Variants in ADORA2B observed in about 807,000 individuals in gnomAD.
ADORA2B encodes the protein adenosine A2b receptor.
ADORA2B carries 18 observed loss-of-function variants against 20.8 expected under a neutral mutation model. The observed-to-expected ratio is 0.87, with a 90% confidence interval of 0.60 to 1.29. ADORA2B has a LOEUF of 1.29. Ranked by LOEUF, ADORA2B falls within the 50% of genes most tolerant of loss-of-function variation. ADORA2B has a pLI of 0.00. For missense variants in ADORA2B, 441 were observed against 422.7 expected (o/e 1.04, Z -0.38); for synonymous variants, 179 against 178.3 (o/e 1.00, Z -0.03).
intron 1 of ADORA2B, among the ~76,000 whole-genome samples, chr17:15,951,798 T>C (rs542103097): frequency 4.3e-4 from 65 of 152,006 alleles, no homozygotes; most frequent in Admixed American, 9.2e-4. Context: ...GAGATGGAGG[T>C]GGACTTGGTG....
At chr17:15,951,975 G>A (rs1036380183) in intron 1 of ADORA2B, among the ~76,000 whole-genome samples, 3 of 152,232 alleles carry the variant, frequency 2.0e-5, no homozygotes, top group Non-Finnish European at 4.4e-5. Flanking sequence ...CATGCCTGGA[G>A]GTGGCCTGGT....
the ADORA2B span, among the ~76,000 whole-genome samples, chr17:15,870,047 T>G: frequency 6.6e-6 from 1 of 150,926 alleles, no homozygotes; most frequent in Non-Finnish European, 1.5e-5. Flanking sequence ...CACATGTTTT[T>G]GTAAATAAGT....
chr17:15,905,900 C>T, the ADORA2B span, among the ~76,000 whole-genome samples: 1 of 152,174 alleles, frequency 6.6e-6, no homozygotes, highest in Non-Finnish European at 1.5e-5. Flanking sequence ...GTGATCTGCC[C>T]ACCTCAGCCT....
At chr17:15,866,822 C>T in the ADORA2B span, among the ~76,000 whole-genome samples, 1 of 152,134 alleles carries the variant, frequency 6.6e-6, no homozygotes. Flanking sequence ...CCACAGTCTC[C>T]CTCTGATGCC....
At chr17:15,861,155 T>TA in the ADORA2B span, among the ~76,000 whole-genome samples, 1 of 152,284 alleles carries the variant, frequency 6.6e-6, no homozygotes, top group East Asian at 1.9e-4. Flanking sequence ...TCAGTGAGTT[T>TA]AAAAGGAGGA....
chr17:15,945,007 C>A (rs1969779887), upstream of ADORA2B: 1 of 294,532 alleles, frequency 3.4e-6, no homozygotes, highest in Non-Finnish European at 6.2e-6. Flanking sequence ...TGGGCTCGGG[C>A]GAGTGGGTGG....
the ADORA2B span, among the ~76,000 whole-genome samples, chr17:15,898,790 C>G: frequency 6.6e-6 from 1 of 152,168 alleles, no homozygotes; most frequent in Non-Finnish European, 1.5e-5. Flanking sequence ...GATGGATGGT[C>G]TGTGAGGAGC....
chr17:15,954,023 A>G (rs111310489), intron 1 of ADORA2B, among the ~76,000 whole-genome samples: 9,261 of 151,840 alleles, frequency 0.061, 955 homozygotes, highest in African/African-American at 0.21. Context: ...CTGTCGCCCA[A>G]GCTGGAGTGC....
chr17:15,915,434 T>C, the ADORA2B span, among the ~76,000 whole-genome samples: 1 of 152,194 alleles, frequency 6.6e-6, no homozygotes, highest in South Asian at 2.1e-4. Context: ...GACTCAGGAG[T>C]GGACATCTCT....
At chr17:15,922,893 G>A in the ADORA2B span, among the ~76,000 whole-genome samples, 1 of 152,180 alleles carries the variant, frequency 6.6e-6, no homozygotes, top group Admixed American at 6.5e-5. Flanking sequence ...GAGAAGTGGT[G>A]TCTGAATTTA....
chr17:15,876,437 CTTTTCTT>C, the ADORA2B span, among the ~76,000 whole-genome samples: 6 of 132,216 alleles, frequency 4.5e-5, no homozygotes, highest in Admixed American at 7.8e-5. Flanking sequence ...TTCTTTCTTT[CTTTTCTT>C]TTTTCTTTTT....
At chr17:15,925,995 G>A in the ADORA2B span, among the ~76,000 whole-genome samples, 5 of 152,114 alleles carry the variant, frequency 3.3e-5, no homozygotes, top group African/African-American at 1.2e-4. Context: ...TTAGGGTTAA[G>A]GCGAATGGGA....
At chr17:15,906,720 A>G in the ADORA2B span, among the ~76,000 whole-genome samples, 1 of 152,180 alleles carries the variant, frequency 6.6e-6, no homozygotes, top group Non-Finnish European at 1.5e-5. Context: ...GTGCAGTCAT[A>G]TAGGTCTGGT....
chr17:15,943,714 C>T (rs1308582660), upstream of ADORA2B, among the ~76,000 whole-genome samples: 2 of 152,184 alleles, frequency 1.3e-5, no homozygotes, highest in African/African-American at 4.8e-5. Context: ...GAGGTATATC[C>T]ACAGAACCGT....
upstream of ADORA2B, among the ~76,000 whole-genome samples, chr17:15,943,868 T>C (rs1258761165): frequency 2.6e-5 from 4 of 152,210 alleles, no homozygotes; most frequent in African/African-American, 9.6e-5. Context: ...AAAATCTCCT[T>C]ACCCATCCTC....
chr17:15,953,839 T>G (rs1969935469), intron 1 of ADORA2B, among the ~76,000 whole-genome samples: 2 of 152,202 alleles, frequency 1.3e-5, no homozygotes, highest in Admixed American at 1.3e-4. Context: ...GCTGTAGAGT[T>G]GTCCCCTGTC....
upstream of ADORA2B, among the ~76,000 whole-genome samples, chr17:15,942,699 T>C (rs779515787): frequency 3.3e-5 from 5 of 152,130 alleles, no homozygotes; most frequent in Admixed American, 6.5e-5. Context: ...CTGCAAAATC[T>C]CCACTCACTC....
chr17:15,923,389 G>GTA, the ADORA2B span, among the ~76,000 whole-genome samples: 720 of 125,936 alleles, frequency 5.7e-3, 4 homozygotes, highest in African/African-American at 0.014. Context: ...ATGTGTGTGT[G>GTA]TATATATATA....
chr17:15,888,965 C>T, the ADORA2B span, among the ~76,000 whole-genome samples: 17 of 105,070 alleles, frequency 1.6e-4, 2 homozygotes, highest in Middle Eastern at 4.6e-3. Context: ...CAGGTTCAAG[C>T]GATTCTCCTG....
Sources: allele counts gnomAD v4.1 joint callset (sites outside exome capture counted in the v4.1 genomes callset), GRCh38; gene constraint gnomAD v4.1.1; transcripts MANE v1.5; gene names NCBI Gene and HGNC (gene_info 2026-07-23, HGNC 2026-07-21).